CECR2: variants seen among roughly 807,000 people sequenced by gnomAD.
The protein encoded by CECR2 is chromatin remodeling regulator CECR2.
CECR2 carries 30 observed loss-of-function variants against 154.5 expected under a neutral mutation model. The observed-to-expected ratio is 0.19, with a 90% CI of 0.15 to 0.26. The LOEUF (loss-of-function observed/expected upper bound fraction) is 0.26. Ranked by LOEUF, CECR2 falls within the 10% of genes least tolerant of loss-of-function variation. The probability of loss-of-function intolerance (pLI) is 1.00; values close to 1 mark genes in which losing one functional copy is unlikely to be tolerated. For synonymous variants in CECR2, 725 were observed against 683.7 expected (o/e 1.06, Z -0.94); for missense variants, 1,743 against 1,829.3 (o/e 0.95, Z 0.86).
rs184256931 is a variant in CECR2 at position 17,376,716 on chromosome 22, G to A, written c.126+6807G>A. 1.2e-4 allele frequency among the ~76,000 whole-genome samples: 18 copies of A among 150,480 alleles called. No individual in the cohort carries two copies. The East Asian group carries it at 3.5e-3, about 29-fold the overall frequency. On this transcript the variant is annotated intron_variant, in intron 1 of 18. Transcript: ENST00000262608. ...TGCAGTGGCGTGATCTCAGCTCACTGCAACCTCTGCCTCCTGGGTTCAGGT... is the reference window on the plus strand; with the variant it reads ...TGCAGTGGCGTGATCTCAGCTCACTACAACCTCTGCCTCCTGGGTTCAGGT...
rs111666327 is a variant in CECR2, at chr22:17,431,232, G to A, written c.127-46356G>A. ...AGCTCTTACAACTCTGATGTATGTA[G>A]GATTGCTGTTTCTTTTACAGGTCAA... On this transcript the variant is annotated intron_variant, in intron 1 of 18. Coordinates refer to ENST00000262608, the MANE Select transcript of CECR2 (RefSeq NM_001290047.2). Among the ~76,000 whole-genome samples, 514 of 152,272 alleles carry A rather than the reference G, an allele frequency of 3.4e-3. 4 individuals carry two copies. Among genetic ancestry groups the A allele is most frequent in the African/African-American group, 0.01 (433 of 41,544 alleles).
chr22:17,497,359 A>G (rs2055648483), intron 2 of CECR2, 44 bp from the exon 3 acceptor site: 3 of 1,539,584 alleles, frequency 1.9e-6, no homozygotes, highest in Non-Finnish European at 2.6e-6. Context: ...CAACCAACCT[A>G]TATTTTATAT....
chr22:17,454,069 T>C (rs2054814844), intron 1 of CECR2, among the ~76,000 whole-genome samples: 1 of 152,206 alleles, frequency 6.6e-6, no homozygotes, highest in South Asian at 2.1e-4. Flanking sequence ...TTTTTTTACC[T>C]TATTTGTAAA....
Position 17,540,667 on chromosome 22 carries a change from C to T in CECR2, c.1751C>T (p.Pro584Leu), listed in dbSNP as rs1471800729. The T allele has an allele frequency of 6.2e-7, 1 of 1,613,968 alleles. No individual in the cohort carries two copies. The change falls in exon 14 of 19, where the codon CCC becomes CTC. Residue 584 changes from proline to leucine, a missense_variant. By Grantham distance (98) the Pro-to-Leu change is moderately conservative. Transcript: ENST00000262608. ...GKSLPPTRRA[P>L]SSGDDQSSSS... The stretch of plus-strand genomic sequence containing the variant: ...TCGTTGCCCCCCACACGCCGAGCGC[C>T]CTCTTCTGGGGACGATCAGAGCAGC...
intron 13 of CECR2, among the ~76,000 whole-genome samples, chr22:17,540,182 G>A (rs1366492527): frequency 6.6e-6 from 1 of 152,052 alleles, no homozygotes; most frequent in African/African-American, 2.4e-5. Context: ...TACAACCTTG[G>A]GCATCTTACA....
intron 1 of CECR2, chr22:17,419,498 AGAGGAAGAGGAG>A (rs141284693): frequency 0.057 from 10,497 of 184,192 alleles, 789 homozygotes; most frequent in East Asian, 0.2. Context: ...CTCATCAGGA[AGAGGAAGAGGAG>A]GAAGAAGAAG....
rs543972994 is a variant in CECR2, at chr22:17,547,325, G to T, written c.2861-823G>T. On this transcript the variant is annotated intron_variant, in intron 16 of 18. Coordinates refer to ENST00000262608, the MANE Select transcript of CECR2 (RefSeq NM_001290047.2). ...GCTCACTACAATCTCCGCCTCCTGG[G>T]TTCACGCCATTCTCCTGCCTCAGCC... Among the ~76,000 whole-genome samples, 11 of 151,876 alleles carry T rather than the reference G, an allele frequency of 7.2e-5. No homozygotes were observed. The East Asian group carries it at 2.2e-3, about 30-fold the overall frequency.
At position 17,535,341 on chromosome 22, in the gene CECR2, T is replaced by G. The variant is rs558991277; in HGVS notation, c.1109-1762T>G. On this transcript the variant is annotated intron_variant, in intron 9 of 18. Coordinates refer to ENST00000262608, the MANE Select transcript of CECR2 (RefSeq NM_001290047.2). ...TCAAAAAAAAAAAAATTCTGTAACC[T>G]CTTTGGAAATGATGGACACCCCTTT... 3.3e-5 allele frequency among the ~76,000 whole-genome samples: 5 copies of G among 152,064 alleles called. No individual in the cohort carries two copies. The South Asian group carries it at 1.0e-3, about 32-fold the overall frequency.
At chr22:17,405,409 T>C (rs1186144486) in intron 1 of CECR2, among the ~76,000 whole-genome samples, 1 of 149,588 alleles carries the variant, frequency 6.7e-6, no homozygotes, top group Non-Finnish European at 1.5e-5. Context: ...CGAAACTCCG[T>C]CTCAAATAAA....
chr22:17,493,223 C>T (rs193210157), intron 2 of CECR2, among the ~76,000 whole-genome samples: 5 of 152,282 alleles, frequency 3.3e-5, no homozygotes, highest in East Asian at 3.9e-4. Flanking sequence ...CTGCCCATCT[C>T]GGCCTCCCAA....
rs2054912262 is a variant in CECR2, at chr22:17,459,976, A to G, written c.127-17612A>G. On this transcript the variant is annotated intron_variant, in intron 1 of 18. Coordinates refer to ENST00000262608, the MANE Select transcript of CECR2 (RefSeq NM_001290047.2). ...AGTATGTGCTGTGCGGGTGTTTCTC[A>G]GGGTATTTATTCTACTCCATTGATC... Among the ~76,000 whole-genome samples the G allele has an allele frequency of 2.6e-5, 4 of 152,288 alleles. No homozygotes were observed. The South Asian group carries it at 6.2e-4, about 24-fold the overall frequency.
chr22:17,436,753 G>A (rs911528562), intron 1 of CECR2, among the ~76,000 whole-genome samples: 3 of 152,206 alleles, frequency 2.0e-5, no homozygotes, highest in Non-Finnish European at 2.9e-5. Context: ...AAAAAGGGGC[G>A]GAGGAGAAGG....
chr22:17,524,818 T>A (rs2056230664), intron 9 of CECR2: 1 of 387,100 alleles, frequency 2.6e-6, no homozygotes. Context: ...ACTATAGGCG[T>A]GCCACCACAC....
intron 1 of CECR2, among the ~76,000 whole-genome samples, chr22:17,390,630 A>G (rs1013807861): frequency 9.2e-5 from 14 of 151,748 alleles, no homozygotes; most frequent in Non-Finnish European, 1.6e-4. Flanking sequence ...AGGTGTTTTT[A>G]TTTTGTTTTG....
At chr22:17,478,903 T>C (rs1161522671) in intron 2 of CECR2, among the ~76,000 whole-genome samples, 1 of 152,248 alleles carries the variant, frequency 6.6e-6, no homozygotes, top group Non-Finnish European at 1.5e-5. Flanking sequence ...TTAGAATATT[T>C]TCTTCCGTTC....
At chr22:17,370,456 G>A (rs1467116760) in intron 1 of CECR2, among the ~76,000 whole-genome samples, 3 of 151,888 alleles carry the variant, frequency 2.0e-5, no homozygotes, top group Non-Finnish European at 2.9e-5. Flanking sequence ...GAGGCGCTCC[G>A]GCCAACTTCG....
At chr22:17,433,861 ATT>A (rs2054463896) in intron 1 of CECR2, among the ~76,000 whole-genome samples, 1 of 152,172 alleles carries the variant, frequency 6.6e-6, no homozygotes, top group Non-Finnish European at 1.5e-5. Context: ...AAGCTTAGCT[ATT>A]ATGATGGTTT....
rs971566189 is a variant in CECR2, at chr22:17,540,971, A to G, written c.1884+171A>G. Among the ~76,000 whole-genome samples the G allele has an allele frequency of 7.2e-5, 11 of 152,160 alleles. No individual in the cohort carries two copies. The East Asian group carries it at 2.1e-3, about 29-fold the overall frequency. The stretch of plus-strand genomic sequence containing the variant: ...TTATTTTGTTTACTTTTTAGTAGAG[A>G]CACAGTGTTGCTATGTTGCCTAGGC... On this transcript the variant is annotated intron_variant, in intron 14 of 18. Transcript: ENST00000262608.
intron 2 of CECR2, among the ~76,000 whole-genome samples, chr22:17,480,459 C>CACACACAGAGAG (rs373106595): frequency 2.7e-4 from 39 of 143,844 alleles, no homozygotes; most frequent in South Asian, 1.3e-3. Context: ...CACACACACA[C>CACACACAGAGAG]AGAGAAAAGT....
Sources: allele counts gnomAD v4.1 joint callset (sites outside exome capture counted in the v4.1 genomes callset), GRCh38; gene constraint gnomAD v4.1.1; transcripts MANE v1.5; gene names NCBI Gene and HGNC (gene_info 2026-07-23, HGNC 2026-07-21).